The following MARCHF1 variants were observed in gnomAD, a reference collection of about 807,000 sequenced individuals.
The protein encoded by MARCHF1 is membrane associated ring-CH-type finger 1.
A neutral mutation model predicts 54.2 loss-of-function variants in MARCHF1; 40 were observed. The ratio of observed to expected loss-of-function variants is 0.74; its 90% CI spans 0.57 to 0.96. MARCHF1 has a LOEUF of 0.96. MARCHF1 is among the 40% of genes least tolerant of loss of function. The pLI, the probability that MARCHF1 is intolerant of heterozygous loss-of-function variation, is 0.00. For missense variants in MARCHF1, 586 were observed against 656.5 expected (o/e 0.89, Z 1.17); for synonymous variants, 236 against 236.3 (o/e 1.00, Z 0.01).
chr4:163,956,867 A>G lies in MARCHF1; in HGVS notation c.-39+31634T>C, dbSNP rs1226241484. Among the ~76,000 whole-genome samples, 8 of 152,198 alleles carry G rather than the reference A, an allele frequency of 5.3e-5. No homozygotes were observed. In the East Asian group the frequency reaches 1.5e-3, roughly 29 times the overall value. ...CAAAGCGAAACTTACTGTGATAGTT[A>G]TACATTTAGTCAAAAGAAGCTAAGT... On this transcript the variant is annotated intron_variant, in intron 3 of 9. Transcript: ENST00000514618.
At chr4:163,978,427 T>C (rs1752690981) in intron 3 of MARCHF1, among the ~76,000 whole-genome samples, 1 of 152,184 alleles carries the variant, frequency 6.6e-6, no homozygotes, top group South Asian at 2.1e-4. Context: ...TAATGGTGTT[T>C]ATTTTATCCG....
At chr4:164,062,330 G>A (rs1366373110) in intron 2 of MARCHF1, among the ~76,000 whole-genome samples, 1 of 151,694 alleles carries the variant, frequency 6.6e-6, no homozygotes, top group Non-Finnish European at 1.5e-5. Flanking sequence ...AATCCATGAG[G>A]CTTAAAATTA....
intron 2 of MARCHF1, among the ~76,000 whole-genome samples, chr4:164,089,126 A>G (rs1316604482): frequency 6.6e-6 from 1 of 152,184 alleles, no homozygotes; most frequent in Non-Finnish European, 1.5e-5. Flanking sequence ...ATTATCCTTT[A>G]CTTGTAAAAG....
At chr4:164,121,381 G>A (rs1438652942) in intron 1 of MARCHF1, among the ~76,000 whole-genome samples, 1 of 152,080 alleles carries the variant, frequency 6.6e-6, no homozygotes, top group East Asian at 1.9e-4. Flanking sequence ...TGATAGTTCT[G>A]CATGGCTGAA....
At chr4:163,639,068 A>G (rs939548672) in intron 5 of MARCHF1, among the ~76,000 whole-genome samples, 1 of 152,168 alleles carries the variant, frequency 6.6e-6, no homozygotes, top group Non-Finnish European at 1.5e-5. Context: ...TAATGGGTAT[A>G]GAGTTTCAGT....
chr4:164,099,843 T>A (rs1045860880), intron 2 of MARCHF1, among the ~76,000 whole-genome samples: 1 of 152,196 alleles, frequency 6.6e-6, no homozygotes, highest in Non-Finnish European at 1.5e-5. Flanking sequence ...TAATACTTTT[T>A]AATTTTGTTA....
intron 8 of MARCHF1, among the ~76,000 whole-genome samples, chr4:163,571,857 C>T (rs1739851555): frequency 6.6e-6 from 1 of 152,086 alleles, no homozygotes; most frequent in African/African-American, 2.4e-5. Context: ...TGCCTCAGGG[C>T]TGCAGAAGAG....
At chr4:163,733,193 A>ACACACATG (rs1458655238) in intron 4 of MARCHF1, among the ~76,000 whole-genome samples, 5 of 21,802 alleles carry the variant, frequency 2.3e-4, no homozygotes, top group Non-Finnish European at 4.6e-4. Flanking sequence ...ATATATATAT[A>ACACACATG]TATATATATA....
intron 2 of MARCHF1, among the ~76,000 whole-genome samples, chr4:164,050,946 GTAA>G (rs545614334): frequency 5.9e-5 from 9 of 151,382 alleles, no homozygotes; most frequent in African/African-American, 1.9e-4. Flanking sequence ...AATAATAATA[GTAA>G]TAATAATAAT....
chr4:164,105,969 A>G (rs899247540), intron 2 of MARCHF1, among the ~76,000 whole-genome samples: 13 of 147,974 alleles, frequency 8.8e-5, no homozygotes, highest in African/African-American at 3.0e-4. Flanking sequence ...ATGAACAGAC[A>G]CTTCTCAAAA....
At chr4:163,825,108 C>T (rs909966681) in intron 4 of MARCHF1, among the ~76,000 whole-genome samples, 1 of 152,012 alleles carries the variant, frequency 6.6e-6, no homozygotes, top group East Asian at 1.9e-4. Flanking sequence ...TCTCTTTCCA[C>T]ATTCTACCCT....
chr4:164,227,827 G>C (rs931286035), intron 1 of MARCHF1, among the ~76,000 whole-genome samples: 6 of 152,102 alleles, frequency 3.9e-5, no homozygotes, highest in African/African-American at 1.4e-4. Flanking sequence ...TGTAGAGGCA[G>C]TACAGCTAGT....
At chr4:163,606,005 T>C (rs1464256111) in intron 7 of MARCHF1, among the ~76,000 whole-genome samples, 2 of 152,070 alleles carry the variant, frequency 1.3e-5, no homozygotes, top group African/African-American at 4.8e-5. Context: ...TTTATACCTA[T>C]GTAACAAACC....
At chr4:163,932,630 T>C (rs1235106382) in intron 3 of MARCHF1, 1 of 445,936 alleles carries the variant, frequency 2.2e-6, no homozygotes, top group African/African-American at 2.0e-5. Flanking sequence ...AGCTGTCCTA[T>C]GAGGAGTGCA....
intron 3 of MARCHF1, among the ~76,000 whole-genome samples, chr4:163,892,805 T>C (rs925212675): frequency 5.3e-5 from 8 of 152,032 alleles, no homozygotes; most frequent in Admixed American, 2.0e-4. Context: ...AGTAGGAAAG[T>C]GCTAGTTATA....
chr4:163,826,776 A>G (rs547934919), intron 4 of MARCHF1, among the ~76,000 whole-genome samples: 5 of 152,248 alleles, frequency 3.3e-5, no homozygotes, highest in Non-Finnish European at 7.4e-5. Flanking sequence ...CTACAAAGAT[A>G]TAACATTTAT....
At chr4:164,251,137 C>T (rs1271600789) in intron 1 of MARCHF1, among the ~76,000 whole-genome samples, 1 of 152,116 alleles carries the variant, frequency 6.6e-6, no homozygotes, top group African/African-American at 2.4e-5. Context: ...TTAGTATAAA[C>T]TTTATGTTCT....
chr4:164,158,615 T>C (rs1045051318), intron 1 of MARCHF1, among the ~76,000 whole-genome samples: 1 of 152,128 alleles, frequency 6.6e-6, no homozygotes, highest in Admixed American at 6.6e-5. Context: ...CACTCCAGGC[T>C]GGGTGACAGA....
At chr4:163,789,251 AC>A (rs1480515094) in intron 4 of MARCHF1, among the ~76,000 whole-genome samples, 1 of 152,016 alleles carries the variant, frequency 6.6e-6, no homozygotes, top group Non-Finnish European at 1.5e-5. Flanking sequence ...AATACAAGCG[AC>A]TTAAAGATCA....
Sources: allele counts gnomAD v4.1 joint callset (sites outside exome capture counted in the v4.1 genomes callset), GRCh38; gene constraint gnomAD v4.1.1; transcripts MANE v1.5; gene names NCBI Gene and HGNC (gene_info 2026-07-23, HGNC 2026-07-21).